PDE1C: variants seen among roughly 807,000 people sequenced by gnomAD.
PDE1C encodes dual specificity calcium/calmodulin-dependent 3',5'-cyclic nucleotide phosphodiesterase 1C.
PDE1C carries 62 observed loss-of-function variants against 93.1 expected under a neutral mutation model. That is an observed-to-expected ratio of 0.67 (90% confidence interval 0.54 to 0.82). PDE1C has a LOEUF of 0.82. PDE1C is among the 40% of genes least tolerant of loss of function. The pLI is 0.00. For synonymous variants in PDE1C, 325 were observed against 310.1 expected (o/e 1.05, Z -0.50); for missense variants, 742 against 884.6 (o/e 0.84, Z 2.04).
At chr7:31,820,295 T>C (rs1181418235) in intron 14 of PDE1C, among the ~76,000 whole-genome samples, 1 of 152,026 alleles carries the variant, frequency 6.6e-6, no homozygotes, top group Non-Finnish European at 1.5e-5. Context: ...GTAATTTTCA[T>C]TTTCTTTTAT....
At chr7:31,822,662 C>T (rs936454564) in intron 14 of PDE1C, among the ~76,000 whole-genome samples, 2 of 152,120 alleles carry the variant, frequency 1.3e-5, no homozygotes, top group African/African-American at 2.4e-5. Flanking sequence ...ATTAAAGCTC[C>T]TTATATCCCA....
At chr7:32,234,684 CT>C (rs1281787877) in intron 1 of PDE1C, among the ~76,000 whole-genome samples, 3 of 151,848 alleles carry the variant, frequency 2.0e-5, no homozygotes, top group Admixed American at 6.6e-5. Flanking sequence ...TTCTAGAAAA[CT>C]AAAATCTAAA....
chr7:32,156,845 C>G (rs1281429331), intron 3 of PDE1C, among the ~76,000 whole-genome samples: 1 of 152,230 alleles, frequency 6.6e-6, no homozygotes, highest in Non-Finnish European at 1.5e-5. Context: ...CTCAAAGTGT[C>G]TCCCCAAAGG....
rs534253958 is a variant in PDE1C at position 32,390,276 on chromosome 7, T to C, written c.310+37546A>G. Reference sequence around the variant, plus strand: ...TAAATTAATATTAATATCAAGTAGATTGTGATAAATTAAGATGCATATTGT... The same window carrying C: ...TAAATTAATATTAATATCAAGTAGACTGTGATAAATTAAGATGCATATTGT... On this transcript the variant is annotated intron_variant, in intron 1 of 1. Coordinates refer to the PDE1C transcript ENST00000672256. Among the ~76,000 whole-genome samples, 627 of 152,052 alleles carry C rather than the reference T, an allele frequency of 4.1e-3. 1 individual carries two copies. The highest frequency in any genetic ancestry group is 0.017 in the Middle Eastern group (5 of 292).
At chr7:32,309,220 A>G (rs1005126501) in intron 1 of PDE1C, among the ~76,000 whole-genome samples, 23 of 152,300 alleles carry the variant, frequency 1.5e-4, no homozygotes, top group Non-Finnish European at 2.5e-4. Context: ...AAAGAAACAA[A>G]CAAAGCCTCC....
Position 31,878,994 on chromosome 7 carries a change from A to T in PDE1C, c.425+2T>A. On this transcript the variant is annotated splice_donor_variant, in intron 4 of 17. Transcript: ENST00000396191. LOFTEE classifies it high-confidence loss of function. ...CTAAATGACAATGAATGACATCTTT[A>T]CCTCTCCACAAATATCCCAGCCTGC... The T allele has an allele frequency of 6.2e-7, 1 of 1,612,822 alleles. No individual in the cohort carries two copies. The highest frequency in any genetic ancestry group is 8.5e-7 in the Non-Finnish European group (1 of 1,179,014).
intron 2 of PDE1C, among the ~76,000 whole-genome samples, chr7:32,000,042 A>G (rs1785261217): frequency 6.6e-6 from 1 of 152,174 alleles, no homozygotes; most frequent in Non-Finnish European, 1.5e-5. Context: ...AGCCCCTCTG[A>G]GCTCCCATGT....
At chr7:32,039,703 A>G (rs1791570780) in intron 2 of PDE1C, among the ~76,000 whole-genome samples, 1 of 152,218 alleles carries the variant, frequency 6.6e-6, no homozygotes, top group Non-Finnish European at 1.5e-5. Flanking sequence ...ATCTATTCCC[A>G]TTTATATTGT....
chr7:31,673,353 T>C, the PDE1C span, among the ~76,000 whole-genome samples: 1 of 152,178 alleles, frequency 6.6e-6, no homozygotes, highest in Non-Finnish European at 1.5e-5. Context: ...GTTGCAGAAG[T>C]TGAGGGTCAG....
chr7:32,153,725 G>A lies in PDE1C; in HGVS notation c.308+16060C>T, dbSNP rs542427645. ...GTAGTCAAAGGCAAGATTTTCAAGT[G>A]GGAGAAGATAAAATTATTTCAGCAA... is the stretch of plus-strand genomic sequence containing the variant. On this transcript the variant is annotated intron_variant, in intron 3 of 18. Coordinates refer to the PDE1C transcript ENST00000396193. Among the ~76,000 whole-genome samples, 32 of 152,340 alleles carry A rather than the reference G, an allele frequency of 2.1e-4. 1 individual carries two copies. The South Asian group carries it at 6.2e-3, about 30-fold the overall frequency.
At chr7:31,937,303 T>C (rs532534677) in intron 2 of PDE1C, among the ~76,000 whole-genome samples, 1 of 152,152 alleles carries the variant, frequency 6.6e-6, no homozygotes, top group Non-Finnish European at 1.5e-5. Flanking sequence ...CAAAGAAATA[T>C]ATTGTGGGGT....
intron 2 of PDE1C, among the ~76,000 whole-genome samples, chr7:31,997,097 C>T: frequency 6.6e-6 from 1 of 152,146 alleles, no homozygotes; most frequent in East Asian, 1.9e-4. Context: ...CAAATATTGA[C>T]AAAACATTAA....
rs371255009 is a variant in PDE1C, at chr7:32,341,365, CG to C, written c.310+86456del. 8.7e-3 allele frequency among the ~76,000 whole-genome samples: 1,296 copies of C among 149,492 alleles called. 22 individuals are homozygous for C. Among genetic ancestry groups the C allele is most frequent in the African/African-American group, 0.03 (1,234 of 40,492 alleles). ...TAATTTTTTGTATTTTTAGTAGAGA[CG>C]GGGTTTCACCGTGTTAGCCAGGATG... On this transcript the variant is annotated intron_variant, in intron 1 of 1. Coordinates refer to the PDE1C transcript ENST00000672256.
the PDE1C span, among the ~76,000 whole-genome samples, chr7:31,701,766 T>C: frequency 6.6e-6 from 1 of 152,246 alleles, no homozygotes; most frequent in East Asian, 1.9e-4. Context: ...CAAGCCTCTC[T>C]AAGACTCAGT....
At chr7:31,925,039 CTGTG>C (rs70989622) in intron 2 of PDE1C, among the ~76,000 whole-genome samples, 39,542 of 134,684 alleles carry the variant, frequency 0.29, 6,204 homozygotes, top group Non-Finnish European at 0.36. Flanking sequence ...GTAGACATTT[CTGTG>C]TGTGTGTGTG....
At chr7:31,747,161 G>A (rs1406310579), downstream of PDE1C, among the ~76,000 whole-genome samples, 1 of 152,136 alleles carries the variant, frequency 6.6e-6, no homozygotes, top group Non-Finnish European at 1.5e-5. Context: ...TGATGCCAGG[G>A]AGCAGGCTCA....
At chr7:32,037,435 G>A (rs1414669801) in intron 2 of PDE1C, among the ~76,000 whole-genome samples, 1 of 152,078 alleles carries the variant, frequency 6.6e-6, no homozygotes, top group East Asian at 1.9e-4. Context: ...CCTCACTCAA[G>A]CCAGAGCAGG....
chr7:31,788,935 A>G (rs1174096502), intron 16 of PDE1C: 3 of 152,184 alleles, frequency 2.0e-5, no homozygotes, highest in Non-Finnish European at 2.9e-5. Context: ...AAAAATGCCA[A>G]TATTTCACCT....
chr7:32,319,813 A>G (rs1783250173), intron 1 of PDE1C, among the ~76,000 whole-genome samples: 2 of 152,238 alleles, frequency 1.3e-5, no homozygotes, highest in Non-Finnish European at 2.9e-5. Flanking sequence ...AATTGCTCCT[A>G]CAGACATTTT....
Sources: gnomAD v4.1 joint callset for allele counts (sites outside exome capture counted in the v4.1 genomes callset) on GRCh38, gnomAD v4.1.1 for gene constraint, MANE v1.5 for transcripts, NCBI Gene and HGNC (gene_info 2026-07-23, HGNC 2026-07-21) for gene names.